Variants in MDN1 observed in about 807,000 individuals in gnomAD.
MDN1 encodes the protein midasin.
A neutral mutation model predicts 669.2 loss-of-function variants in MDN1; 266 were observed. The observed-to-expected ratio is 0.40, with a 90% CI of 0.36 to 0.44. The LOEUF is 0.44. Ranked by LOEUF, MDN1 falls within the 20% of genes least tolerant of loss-of-function variation. MDN1 has a pLI of 1.00. For synonymous variants in MDN1, 2,385 were observed against 2,457.1 expected (o/e 0.97, Z 0.87); for missense variants, 5,940 against 6,754.0 (o/e 0.88, Z 4.22).
chr6:89,809,993 T>TA (rs61558155), intron 1 of MDN1, among the ~76,000 whole-genome samples: 1,016 of 52,772 alleles, frequency 0.019, 84 homozygotes, highest in East Asian at 0.18. Context: ...TCCGTTTCAC[T>TA]AAAAAAAAAA....
chr6:89,713,551 A>C (rs2128312166), intron 46 of MDN1, among the ~76,000 whole-genome samples: 1 of 152,230 alleles, frequency 6.6e-6, no homozygotes, highest in East Asian at 1.9e-4. Context: ...AGATGTGATA[A>C]AGTCTGGTCA....
At chr6:89,804,614 A>C (rs1767890872) in intron 1 of MDN1, among the ~76,000 whole-genome samples, 1 of 152,198 alleles carries the variant, frequency 6.6e-6, no homozygotes, top group South Asian at 2.1e-4. Context: ...GAGGTAAAAA[A>C]TTAATTCCTG....
In MDN1 at chr6:89,732,258, A is replaced by T. The variant is rs893903898; in HGVS notation, c.4942+299T>A. On this transcript the variant is annotated intron_variant, in intron 34 of 101. Transcript: ENST00000369393. The stretch of plus-strand genomic sequence containing the variant: ...ACACATGTATCCCAGAACTTAATTT[A>T]AAAAAAAAAAAAAAAGCCAGTGCTT... Among the ~76,000 whole-genome samples, 387 of 129,336 alleles carry T rather than the reference A, an allele frequency of 3.0e-3. 3 individuals carry two copies. Among genetic ancestry groups the T allele is most frequent in the African/African-American group, 0.01 (356 of 35,450 alleles). 84.8% of individuals were successfully genotyped at this position (129,336 alleles called of 152,430 possible).
chr6:89,732,876 T>C lies in MDN1; in HGVS notation c.4724-101A>G, dbSNP rs1815695340. On this transcript the variant is annotated intron_variant, in intron 33 of 101. Coordinates refer to ENST00000369393, the MANE Select transcript of MDN1 (RefSeq NM_014611.3). Reference sequence around the variant, plus strand: ...CAAATGGCCTAAAAGGGGTCTCTGCTCCTTCTAAGCAAAGTTCTGTGAATG... The same window carrying C: ...CAAATGGCCTAAAAGGGGTCTCTGCCCCTTCTAAGCAAAGTTCTGTGAATG... The C allele has an allele frequency of 5.3e-6, 5 of 946,668 alleles. No individual in the cohort carries two copies. In the South Asian group the frequency reaches 8.1e-5, roughly 15 times the overall value. The allele number at this position is 946,668 out of a possible 1,614,324, so 58.6% of individuals were successfully genotyped here.
chr6:89,692,952 G>A lies in MDN1; in HGVS notation c.10078C>T (p.Arg3360Trp), dbSNP rs376358869. The A allele has an allele frequency of 1.3e-4, 209 of 1,614,006 alleles. No individual in the cohort carries two copies. The South Asian group carries it at 1.4e-3, about 11-fold the overall frequency. Residue 3360 changes from arginine (R) to tryptophan (W), a missense_variant, in exon 63 of 102, where the codon CGG becomes TGG. Arg to Trp is a moderately radical substitution (Grantham distance 101, BLOSUM62 -3). Around this residue, in one of 5 missense-constraint regions of MDN1, gnomAD observed 150 missense variants for 234.2 expected, o/e 0.64. Transcript: ENST00000369393. The stretch of plus-strand genomic sequence containing the variant: ...AGGCTCTGGGCTACTTGGGCAGACC[G>A]TGGCCCATCTATGTGGAGGGCCTGC... Reference protein sequence around the residue: ...LLQALHIDGPRSAQVAQSLLK... With the variant: ...LLQALHIDGPWSAQVAQSLLK...
At chr6:89,713,035 T>G in intron 47 of MDN1, 113 bp downstream of exon 47, 1 of 1,157,390 alleles carries the variant, frequency 8.6e-7, no homozygotes, top group Non-Finnish European at 1.2e-6. Context: ...TAGAGCAAAC[T>G]GCAGTGGTCA....
chr6:89,794,737 C>T lies in MDN1; in HGVS notation c.394G>A (p.Asp132Asn). 6.2e-7 allele frequency: 1 copy of T among 1,614,188 alleles called. No homozygotes were observed. Among genetic ancestry groups the T allele is most frequent in the Non-Finnish European group, 8.5e-7 (1 of 1,180,046 alleles). The change falls in exon 3 of 102, where the codon GAT becomes AAT. Residue 132 changes from aspartate (D) to asparagine (N), a missense_variant. Physicochemically the swap from Asp to Asn is conservative, Grantham distance 23. Coordinates refer to ENST00000369393, the MANE Select transcript of MDN1 (RefSeq NM_014611.3). ...VFQRLFLESS[D>N]ANPVRYGRRR... ...CGTCCATAGCGTACTGGATTAGCAT[C>T]TGAACTCTCTAGGAAAAGTCTTTGA...
rs777419093 is a variant in MDN1, at chr6:89,702,044, C to T, written c.8166G>A (p.Arg2722=). 13 of 1,602,084 alleles carry T rather than the reference C, an allele frequency of 8.1e-6. No individual in the cohort carries two copies. Among genetic ancestry groups the T allele is most frequent in the Middle Eastern group, 1.7e-4 (1 of 5,992 alleles). ...CCACAGTCCAGAACCGGTCCCGCCA[C>T]CGCAGAGAACCTAAGATCTAAAAAC... ...ASANEILGSL[R]WRDRFWTVAD... is the part of the protein sequence containing the mutation. Residue 2722 remains arginine (R), a synonymous_variant, in exon 54 of 102, where the codon CGG becomes CGA. Coordinates refer to ENST00000369393, the MANE Select transcript of MDN1 (RefSeq NM_014611.3).
intron 2 of MDN1, among the ~76,000 whole-genome samples, chr6:89,796,255 C>T (rs955203501): frequency 7.9e-5 from 10 of 126,934 alleles, no homozygotes; most frequent in African/African-American, 2.5e-4. Context: ...GCCCGAGACA[C>T]GGAGGTTATA....
intron 43 of MDN1, among the ~76,000 whole-genome samples, chr6:89,717,437 C>T (rs1423176231): frequency 2.6e-5 from 4 of 152,184 alleles, no homozygotes; most frequent in African/African-American, 9.7e-5. Context: ...GTAATTTTGT[C>T]TCTTTGAATA....
intron 63 of MDN1, 66 bp downstream of exon 63, chr6:89,692,377 C>T (rs920187790): frequency 1.7e-5 from 24 of 1,430,814 alleles, no homozygotes; most frequent in South Asian, 1.3e-4. Context: ...TCCTGCAGGC[C>T]GCCCTGCTGT....
chr6:89,792,835 T>C (rs948504319), intron 5 of MDN1, among the ~76,000 whole-genome samples: 2 of 151,560 alleles, frequency 1.3e-5, no homozygotes, highest in Non-Finnish European at 1.5e-5. Flanking sequence ...CTGGCCAACA[T>C]AGTGAAATTC....
intron 15 of MDN1, among the ~76,000 whole-genome samples, chr6:89,768,931 A>G (rs1817946229): frequency 6.6e-6 from 1 of 151,964 alleles, no homozygotes; most frequent in African/African-American, 2.4e-5. Context: ...TTGTGCTTGC[A>G]GTCCCACAGC....
intron 32 of MDN1, among the ~76,000 whole-genome samples, chr6:89,739,265 T>A (rs374846443): frequency 6.6e-6 from 1 of 152,128 alleles, no homozygotes; most frequent in Non-Finnish European, 1.5e-5. Context: ...TCAGCAAGCA[T>A]TGACTTGAGG....
In MDN1 at chr6:89,758,325, G is replaced by C. The variant is rs769921243; in HGVS notation, c.2632C>G (p.Arg878Gly). Residue 878 changes from arginine to glycine, a missense_variant, in exon 19 of 102, where the codon CGT becomes GGT. Arg to Gly is a moderately radical substitution (Grantham distance 125). This residue lies in a region of MDN1 where 1,203 missense variants were observed against 1,268.9 expected (regional missense o/e 0.95). Transcript: ENST00000369393. The stretch of plus-strand genomic sequence containing the variant: ...GCTGGATTCATACAGGCAAATAAAC[G>C]GAAGTCAGGATGCCGAACCAGTGGC... The part of the protein sequence containing the change: ...TEPLVRHPDF[R>G]LFACMNPATD... 3 of 1,611,002 alleles carry C rather than the reference G, an allele frequency of 1.9e-6. No individual in the cohort carries two copies. The highest frequency in any genetic ancestry group is 3.3e-5 in the Admixed American group (2 of 59,778).
chr6:89,738,593 T>C, intron 32 of MDN1, 138 bp from the exon 33 acceptor site: 1 of 883,572 alleles, frequency 1.1e-6, no homozygotes, highest in Non-Finnish European at 1.7e-6. Flanking sequence ...CTATCAGATA[T>C]AATTAATTGA....
Position 89,643,720 on chromosome 6 carries a change from G to A in MDN1, c.*285C>T, listed in dbSNP as rs934847120. On this transcript the variant is annotated 3_prime_UTR_variant, in exon 102 of 102. Transcript: ENST00000369393. ...AGAAAACAGGCAGCTGGGCTCCAAC[G>A]GTGGGGTATGACCTCCTCCCAGGCC... The A allele has an allele frequency of 1.8e-5, 5 of 274,976 alleles. No homozygotes were observed. The highest frequency in any genetic ancestry group is 4.8e-5 in the Admixed American group (1 of 20,842). 17.0% of individuals were successfully genotyped at this position (274,976 alleles called of 1,614,324 possible).
intron 1 of MDN1, among the ~76,000 whole-genome samples, chr6:89,812,273 C>T (rs550975957): frequency 1.5e-4 from 17 of 111,204 alleles, no homozygotes; most frequent in African/African-American, 2.9e-4. Flanking sequence ...CGTGAGCCAC[C>T]GCGCCCAGCC....
chr6:89,663,034 G>T (rs1464688059), intron 85 of MDN1, 67 bp from the exon 86 acceptor site: 1 of 1,566,760 alleles, frequency 6.4e-7, no homozygotes, highest in African/African-American at 1.4e-5. Context: ...TTTAAGAGAG[G>T]TGTGGACCCG....
Sources: allele counts gnomAD v4.1 joint callset (sites outside exome capture counted in the v4.1 genomes callset), GRCh38; gene constraint gnomAD v4.1.1; regional missense constraint gnomAD v4.1.1; transcripts MANE v1.5; gene names NCBI Gene and HGNC (gene_info 2026-07-23, HGNC 2026-07-21).